NFIC: variants seen among roughly 807,000 people sequenced by gnomAD.
NFIC encodes nuclear factor 1 C-type.
In NFIC, 12 loss-of-function variants were observed where a neutral mutation model predicts 54.4. That is an observed-to-expected ratio of 0.22 (90% CI 0.14 to 0.36). The LOEUF (loss-of-function observed/expected upper bound fraction) is 0.36, where lower values mean the gene tolerates loss of function less well. NFIC is among the 10% of genes least tolerant of loss of function. NFIC has a pLI of 1.00. For synonymous variants in NFIC, 322 were observed against 319.2 expected (o/e 1.01, Z -0.09); for missense variants, 575 against 718.2 (o/e 0.80, Z 2.28).
At chr19:3,445,047 G>T (rs2082353393) in intron 6 of NFIC, among the ~76,000 whole-genome samples, 1 of 151,020 alleles carries the variant, frequency 6.6e-6, no homozygotes, top group Non-Finnish European at 1.5e-5. Flanking sequence ...AGATATGAAC[G>T]TGCATGTACA....
intron 6 of NFIC, among the ~76,000 whole-genome samples, chr19:3,444,441 C>A (rs1172855887): frequency 6.6e-6 from 1 of 152,238 alleles, no homozygotes; most frequent in African/African-American, 2.4e-5. Flanking sequence ...CACATGCCCG[C>A]TGGCTGAACA....
intron 2 of NFIC, among the ~76,000 whole-genome samples, chr19:3,392,020 T>C (rs1416781809): frequency 6.6e-6 from 1 of 151,428 alleles, no homozygotes; most frequent in Non-Finnish European, 1.5e-5. Flanking sequence ...GCCTCATCTG[T>C]GAATTGAGCA....
chr19:3,387,907 C>T (rs917258501), intron 2 of NFIC, among the ~76,000 whole-genome samples: 1 of 152,076 alleles, frequency 6.6e-6, no homozygotes, highest in Non-Finnish European at 1.5e-5. Context: ...GTCTGCCCGC[C>T]CAGGGCCTAA....
At position 3,430,945 on chromosome 19, in the gene NFIC, A is replaced by C. The variant is rs563138600; in HGVS notation, c.635-2573A>C. ...AGACTCCGTCTCAAAAAAAAAAAAA[A>C]AGAAAAGAAAAAGAAAGAAAGAAAT... is the stretch of plus-strand genomic sequence containing the variant. On this transcript the variant is annotated intron_variant, in intron 3 of 10. Transcript: ENST00000443272. Among the ~76,000 whole-genome samples the C allele has an allele frequency of 7.2e-4, 105 of 145,624 alleles. 1 individual carries two copies. The highest frequency in any genetic ancestry group is 2.5e-3 in the African/African-American group (100 of 40,816).
At chr19:3,423,476 C>T (rs887774669) in intron 2 of NFIC, among the ~76,000 whole-genome samples, 1 of 150,870 alleles carries the variant, frequency 6.6e-6, no homozygotes, top group Non-Finnish European at 1.5e-5. Flanking sequence ...CGGCTTTCGA[C>T]GTTGGTTGCT....
intron 2 of NFIC, among the ~76,000 whole-genome samples, chr19:3,392,138 C>T (rs533784707): frequency 7.7e-6 from 1 of 130,132 alleles, no homozygotes; most frequent in East Asian, 2.3e-4. Context: ...GTGGTGTGAT[C>T]GTGGCTCACT....
At position 3,366,658 on chromosome 19, in the gene NFIC, C is replaced by G; in HGVS notation, c.22C>G (p.Leu8Val). The G allele has an allele frequency of 6.7e-7, 1 of 1,485,342 alleles. No individual in the cohort carries two copies. Among genetic ancestry groups the G allele is most frequent in the Non-Finnish European group, 8.9e-7 (1 of 1,123,210 alleles). 92.0% of individuals were successfully genotyped at this position (1,485,342 alleles called of 1,614,324 possible). ...CGGGATGTATTCGTCCCCGCTCTGCCTCACCCAGGTACGGTCCTCGCCCGG... is the reference window on the plus strand; with the variant it reads ...CGGGATGTATTCGTCCCCGCTCTGCGTCACCCAGGTACGGTCCTCGCCCGG... Reference protein sequence around the residue: MYSSPLCLTQDEFHPFIE... With the variant: MYSSPLCVTQDEFHPFIE... Residue 8 changes from leucine (L) to valine (V), a missense_variant, in exon 1 of 11, where the codon CTC becomes GTC. Transcript: ENST00000443272.
chr19:3,456,412 A>G, intron 9 of NFIC, 138 bp from the exon 10 acceptor site: 1 of 753,438 alleles, frequency 1.3e-6, no homozygotes. Context: ...GTAGGGCGGC[A>G]GGCTCGGAGG....
intron 3 of NFIC, among the ~76,000 whole-genome samples, chr19:3,432,150 C>G (rs1227127216): frequency 6.6e-6 from 1 of 152,196 alleles, no homozygotes; most frequent in African/African-American, 2.4e-5. Flanking sequence ...CCCAAGCTGT[C>G]TGAGGTTGGC....
At chr19:3,434,467 C>G (rs995304857) in intron 5 of NFIC, 67 bp downstream of exon 5, 11 of 1,500,038 alleles carry the variant, frequency 7.3e-6, no homozygotes, top group African/African-American at 2.8e-5. Flanking sequence ...CCCTCTGGCC[C>G]GAGCTGACTC....
chr19:3,380,492 C>T (rs2081188840), intron 1 of NFIC, among the ~76,000 whole-genome samples: 2 of 151,322 alleles, frequency 1.3e-5, no homozygotes, highest in Non-Finnish European at 2.9e-5. Flanking sequence ...TGCCTGGCTA[C>T]ATTTTTTTGT....
intron 2 of NFIC, among the ~76,000 whole-genome samples, chr19:3,404,823 G>A (rs1599626685): frequency 6.6e-6 from 1 of 152,188 alleles, no homozygotes; most frequent in African/African-American, 2.4e-5. Flanking sequence ...GGGGCCCTGC[G>A]GCCTCCAGGG....
chr19:3,449,621 G>A (rs1181537345), intron 7 of NFIC, among the ~76,000 whole-genome samples: 5 of 151,798 alleles, frequency 3.3e-5, no homozygotes, highest in Non-Finnish European at 7.4e-5. Context: ...TTAGCCAGGC[G>A]TGGTGGCACG....
chr19:3,377,538 T>A (rs951657373), intron 1 of NFIC, among the ~76,000 whole-genome samples: 1 of 152,118 alleles, frequency 6.6e-6, no homozygotes, highest in African/African-American at 2.4e-5. Flanking sequence ...CTTCTCTTTC[T>A]CTTCTTGTTC....
chr19:3,464,219 C>G lies in NFIC; in HGVS notation c.*1450C>G. On this transcript the variant is annotated 3_prime_UTR_variant, in exon 11 of 11. Transcript: ENST00000443272. ...CTGCGGGACGTGCATCACGGCTGGGCCCCCAGAGGAGAGAGGAGGCCGACG... is the reference window on the plus strand; with the variant it reads ...CTGCGGGACGTGCATCACGGCTGGGGCCCCAGAGGAGAGAGGAGGCCGACG... 1 of 985,122 alleles carries G rather than the reference C, an allele frequency of 1.0e-6. No individual in the cohort carries two copies. The highest frequency in any genetic ancestry group is 1.2e-6 in the Non-Finnish European group (1 of 829,920). The allele number at this position is 985,122 out of a possible 1,614,324, so 61.0% of individuals were successfully genotyped here.
Position 3,452,548 on chromosome 19 carries a change from C to T in NFIC, c.1151C>T (p.Thr384Met), listed in dbSNP as rs374896582. 33 of 1,613,606 alleles carry T rather than the reference C, an allele frequency of 2.0e-5. No individual in the cohort carries two copies. The highest frequency in any genetic ancestry group is 2.7e-5 in the Non-Finnish European group (32 of 1,180,032). Residue 384 changes from threonine to methionine, a missense_variant, in exon 8 of 11, where the codon ACG becomes ATG. Coordinates refer to ENST00000443272, the MANE Select transcript of NFIC (RefSeq NM_001245002.2). This position sits in a 1 kb window ranked among gnomAD's most constrained non-coding sequence, Gnocchi z 5.3. ...HFPTTSILPQTASTYFPHTAI... is the reference protein window; with the variant it reads ...HFPTTSILPQMASTYFPHTAI... ...CCTACGACGTCCATCCTACCCCAGA[C>T]GGCCTCCACCTACTTCCCCCACACG...
intron 2 of NFIC, among the ~76,000 whole-genome samples, chr19:3,411,353 A>G (rs1168240870): frequency 2.5e-4 from 21 of 85,076 alleles, no homozygotes; most frequent in South Asian, 8.1e-4. Flanking sequence ...TTTGAGACGG[A>G]GTCTTGCTCT....
chr19:3,416,277 C>T (rs2081852675), intron 2 of NFIC, among the ~76,000 whole-genome samples: 1 of 148,802 alleles, frequency 6.7e-6, no homozygotes, highest in African/African-American at 2.5e-5. Flanking sequence ...ATTTTATATA[C>T]CTATATATAT....
intron 1 of NFIC, among the ~76,000 whole-genome samples, chr19:3,372,404 C>T (rs903268826): frequency 2.6e-5 from 4 of 152,012 alleles, no homozygotes; most frequent in African/African-American, 9.7e-5. Context: ...GCCTTCCTTA[C>T]ACATGGGGGT....
Sources: allele counts gnomAD v4.1 joint callset (sites outside exome capture counted in the v4.1 genomes callset), GRCh38; gene constraint gnomAD v4.1.1; non-coding constraint Gnocchi (gnomAD v3.1); transcripts MANE v1.5; gene names NCBI Gene and HGNC (gene_info 2026-07-23, HGNC 2026-07-21).